The following KIAA1217 variants were observed in gnomAD, a reference collection of about 807,000 sequenced individuals.
KIAA1217 encodes the protein sickle tail protein homolog.
KIAA1217 carries 88 observed loss-of-function variants against 163.9 expected under a neutral mutation model. That is an observed-to-expected ratio of 0.54 (90% CI 0.45 to 0.64). The LOEUF is 0.64. Ranked by LOEUF, KIAA1217 falls within the 30% of genes least tolerant of loss-of-function variation. KIAA1217 has a pLI of 0.00. For missense variants in KIAA1217, 2,372 were observed against 2,475.0 expected, an observed-to-expected ratio of 0.96 and a Z score of 0.88; for synonymous variants, 903 against 923.1, an observed-to-expected ratio of 0.98 and a Z score of 0.39.
At chr10:24,445,779 C>A (rs1592003754) in intron 5 of KIAA1217, among the ~76,000 whole-genome samples, 2 of 151,842 alleles carry the variant, frequency 1.3e-5, no homozygotes, top group Admixed American at 1.3e-4. Flanking sequence ...CCAGTCTATC[C>A]TTGTTGGACA....
intron 1 of KIAA1217, among the ~76,000 whole-genome samples, chr10:24,216,642 C>T (rs762172320): frequency 1.1e-4 from 16 of 151,688 alleles, no homozygotes; most frequent in Non-Finnish European, 1.6e-4. Context: ...GCCTGGCCAA[C>T]ATGGTGAAAC....
intron 1 of KIAA1217, among the ~76,000 whole-genome samples, chr10:23,952,067 C>T (rs150087940): frequency 3.3e-4 from 50 of 152,260 alleles, no homozygotes; most frequent in African/African-American, 1.1e-3. Flanking sequence ...CCCTGGGGAA[C>T]GGCTTACATA....
intron 2 of KIAA1217, among the ~76,000 whole-genome samples, chr10:24,127,014 A>C (rs2063493905): frequency 6.6e-6 from 1 of 152,120 alleles, no homozygotes; most frequent in South Asian, 2.1e-4. Context: ...ACTTGAAAAA[A>C]TGTCTTTTTG....
At chr10:23,701,910 A>G (rs1051761406) in intron 1 of KIAA1217, among the ~76,000 whole-genome samples, 1 of 152,196 alleles carries the variant, frequency 6.6e-6, no homozygotes, top group African/African-American at 2.4e-5. Context: ...TGACTCCACA[A>G]ATAGCACCTT....
intron 2 of KIAA1217, among the ~76,000 whole-genome samples, chr10:24,130,207 T>C (rs927970344): frequency 1.3e-5 from 2 of 152,124 alleles, no homozygotes; most frequent in Non-Finnish European, 2.9e-5. Flanking sequence ...TCACTCTGTC[T>C]CCCAGGCTGG....
chr10:23,795,416 G>A (rs1006359170), intron 1 of KIAA1217, among the ~76,000 whole-genome samples: 7 of 152,156 alleles, frequency 4.6e-5, no homozygotes, highest in Non-Finnish European at 1.0e-4. Context: ...GAGAAAATGA[G>A]ACATGATTTC....
At chr10:23,898,136 A>C (rs1449310479) in intron 1 of KIAA1217, among the ~76,000 whole-genome samples, 6 of 151,996 alleles carry the variant, frequency 3.9e-5, no homozygotes, top group Non-Finnish European at 8.8e-5. Flanking sequence ...AACAAGCTGC[A>C]CATAAATTCT....
chr10:24,363,976 T>C (rs220338), intron 2 of KIAA1217, among the ~76,000 whole-genome samples: 38,379 of 149,454 alleles, frequency 0.26, 5,137 homozygotes, highest in South Asian at 0.36. Context: ...TCTGGTCTCA[T>C]CCACTTTTTT....
chr10:24,431,234 C>T (rs2059581087), intron 3 of KIAA1217, among the ~76,000 whole-genome samples: 1 of 152,168 alleles, frequency 6.6e-6, no homozygotes, highest in Non-Finnish European at 1.5e-5. Flanking sequence ...TCATTCTTTT[C>T]TCTTTTGAGT....
intron 2 of KIAA1217, among the ~76,000 whole-genome samples, chr10:24,343,927 G>A (rs1201164366): frequency 6.6e-6 from 1 of 152,134 alleles, no homozygotes; most frequent in Non-Finnish European, 1.5e-5. Context: ...TGAACTCTAT[G>A]TTTCATTCCA....
At chr10:24,050,614 T>C (rs760183855) in intron 2 of KIAA1217, among the ~76,000 whole-genome samples, 26 of 152,214 alleles carry the variant, frequency 1.7e-4, no homozygotes, top group Non-Finnish European at 3.1e-4. Context: ...CAGATGGTTG[T>C]AGATGTGTGG....
intron 1 of KIAA1217, among the ~76,000 whole-genome samples, chr10:23,824,741 G>A (rs1223433209): frequency 6.8e-6 from 1 of 146,834 alleles, no homozygotes; most frequent in Non-Finnish European, 1.5e-5. Flanking sequence ...GAAGAAGAAA[G>A]TGTAGAGGGC....
In KIAA1217 at chr10:24,075,856, G is replaced by A. The variant is rs184443211; in HGVS notation, c.-171+68482G>A. ...TGACCTCAAGTAATCCACCTGCCTC[G>A]GCCTCCCAAAGTGCTAGGATTACAG... is the stretch of plus-strand genomic sequence containing the variant. On this transcript the variant is annotated intron_variant, in intron 2 of 18. Coordinates refer to the KIAA1217 transcript ENST00000376462. 9.2e-5 allele frequency among the ~76,000 whole-genome samples: 14 copies of A among 152,096 alleles called. No homozygotes were observed. In the East Asian group the frequency reaches 2.5e-3, roughly 27 times the overall value.
chr10:24,164,986 G>A (rs2065279401), intron 2 of KIAA1217, among the ~76,000 whole-genome samples: 1 of 152,202 alleles, frequency 6.6e-6, no homozygotes, highest in Non-Finnish European at 1.5e-5. Context: ...TGGCAAAAGT[G>A]GAAGACTGGT....
rs886547524 is a variant in KIAA1217, at chr10:23,838,659, C to T, written c.-321+143425C>T. ...CATTTTCAGTGGAGATGGGATTTTG[C>T]CATGTTGGCCAGGCTGGTTTCGAAC... On this transcript the variant is annotated intron_variant, in intron 1 of 18. Coordinates refer to the KIAA1217 transcript ENST00000376462. Among the ~76,000 whole-genome samples, 11 of 152,084 alleles carry T rather than the reference C, an allele frequency of 7.2e-5. 1 individual carries two copies. The highest frequency in any genetic ancestry group is 7.2e-4 in the Admixed American group (11 of 15,264).
At chr10:23,772,996 C>T (rs922353138) in intron 1 of KIAA1217, among the ~76,000 whole-genome samples, 1 of 152,150 alleles carries the variant, frequency 6.6e-6, no homozygotes, top group African/African-American at 2.4e-5. Flanking sequence ...TGTAAACAGC[C>T]TGTTGCATTC....
At chr10:23,918,533 A>G (rs550794940) in intron 1 of KIAA1217, among the ~76,000 whole-genome samples, 16 of 152,106 alleles carry the variant, frequency 1.1e-4, no homozygotes, top group African/African-American at 3.9e-4. Flanking sequence ...TGGGAATGTC[A>G]CCATTCCCAC....
At chr10:24,205,203 C>T (rs186392693), upstream of KIAA1217, among the ~76,000 whole-genome samples, 56 of 148,504 alleles carry the variant, frequency 3.8e-4, no homozygotes, top group African/African-American at 1.2e-3. Context: ...GTAATCCCAG[C>T]GTGATTACTT....
intron 1 of KIAA1217, among the ~76,000 whole-genome samples, chr10:23,785,899 G>T (rs1486641725): frequency 6.6e-6 from 1 of 152,060 alleles, no homozygotes; most frequent in Non-Finnish European, 1.5e-5. Context: ...TGGGGTGAGT[G>T]GGATACATAA....
Sources: allele counts gnomAD v4.1 joint callset (sites outside exome capture counted in the v4.1 genomes callset), GRCh38; gene constraint gnomAD v4.1.1; transcripts MANE v1.5; gene names NCBI Gene and HGNC (gene_info 2026-07-23, HGNC 2026-07-21).